Variants in SPAG16 observed in about 807,000 individuals in gnomAD.
SPAG16 encodes sperm associated antigen 16, also known as sperm-associated antigen 16 protein.
SPAG16 carries 86 observed loss-of-function variants against 80.4 expected under a neutral mutation model. The ratio of observed to expected loss-of-function variants is 1.07; its 90% CI spans 0.90 to 1.28. The LOEUF is 1.28. SPAG16 is among the 50% of genes most tolerant of loss of function. The pLI, the probability that SPAG16 is intolerant of heterozygous loss-of-function variation, is 0.00. For missense variants in SPAG16, 870 were observed against 765.3 expected, an observed-to-expected ratio of 1.14 and a Z score of -1.61; for synonymous variants, 294 against 265.9, an observed-to-expected ratio of 1.11 and a Z score of -1.03.
At chr2:213,435,088 G>T (rs900396717) in intron 9 of SPAG16, among the ~76,000 whole-genome samples, 5 of 152,040 alleles carry the variant, frequency 3.3e-5, no homozygotes, top group Non-Finnish European at 7.4e-5. Flanking sequence ...AATAAATAAA[G>T]AAAATAATGT....
At chr2:213,617,785 G>T (rs1574510041) in intron 10 of SPAG16, among the ~76,000 whole-genome samples, 1 of 152,202 alleles carries the variant, frequency 6.6e-6, no homozygotes, top group East Asian at 1.9e-4. Flanking sequence ...TGCACTCCAG[G>T]CAGGATGACA....
chr2:213,682,509 C>A (rs1011416384), intron 10 of SPAG16, among the ~76,000 whole-genome samples: 1 of 152,306 alleles, frequency 6.6e-6, no homozygotes, highest in African/African-American at 2.4e-5. Flanking sequence ...CTGAGAGGGG[C>A]ATCTGGCCAA....
intron 15 of SPAG16, among the ~76,000 whole-genome samples, chr2:214,293,864 C>T (rs894178188): frequency 1.3e-5 from 2 of 152,162 alleles, no homozygotes; most frequent in East Asian, 3.9e-4. Context: ...GGGCCTACAA[C>T]CAGGGAAGGT....
At chr2:213,911,390 C>G (rs1015365404) in intron 11 of SPAG16, among the ~76,000 whole-genome samples, 1 of 152,180 alleles carries the variant, frequency 6.6e-6, no homozygotes. Context: ...AGCAATCTCC[C>G]TGCCTTGGCC....
chr2:213,826,175 A>C lies in SPAG16; in HGVS notation c.1071-36310A>C, dbSNP rs913141836. ...TCACAGTCTGGTTTAAAGTTTGTTA[A>C]CTTCGTTTATCTTTCAAAAACCAAC... On this transcript the variant is annotated intron_variant, in intron 10 of 15. Transcript: ENST00000331683. Among the ~76,000 whole-genome samples, 19 of 151,496 alleles carry C rather than the reference A, an allele frequency of 1.3e-4. 1 individual carries two copies. Among genetic ancestry groups the C allele is most frequent in the African/African-American group, 4.4e-4 (18 of 41,346 alleles).
intron 9 of SPAG16, chr2:213,422,360 T>G (rs1395601915): frequency 2.9e-6 from 2 of 679,440 alleles, no homozygotes; most frequent in Non-Finnish European, 5.4e-6. Flanking sequence ...CCTGTGCCAG[T>G]GCCTGGAGCT....
In SPAG16 at chr2:213,382,445, G is replaced by A. The variant is rs554265119; in HGVS notation, c.942+7326G>A. 3.9e-5 allele frequency among the ~76,000 whole-genome samples: 6 copies of A among 152,310 alleles called. No homozygotes were observed. The South Asian group carries it at 1.0e-3, about 26-fold the overall frequency. ...CTTTTCTCCAGAAGTCTGGAGGTCA[G>A]TACTGTGGCCCTCTGTTGGGGCTTG... is the stretch of plus-strand genomic sequence containing the variant. On this transcript the variant is annotated intron_variant, in intron 9 of 15. Coordinates refer to ENST00000331683, the MANE Select transcript of SPAG16 (RefSeq NM_024532.5).
chr2:213,456,025 A>T (rs532174567), intron 9 of SPAG16, among the ~76,000 whole-genome samples: 17 of 152,270 alleles, frequency 1.1e-4, no homozygotes, highest in African/African-American at 4.1e-4. Flanking sequence ...CTAGAATTTG[A>T]GTGAAGTTGC....
In SPAG16 at chr2:213,443,118, A is replaced by G. The variant is rs185955632; in HGVS notation, c.943-46845A>G. Among the ~76,000 whole-genome samples, 364 of 152,312 alleles carry G rather than the reference A, an allele frequency of 2.4e-3. 1 individual carries two copies. The highest frequency in any genetic ancestry group is 4.3e-3 in the Non-Finnish European group (292 of 68,016). On this transcript the variant is annotated intron_variant, in intron 9 of 15. Coordinates refer to ENST00000331683, the MANE Select transcript of SPAG16 (RefSeq NM_024532.5). ...TGCATAGTAAAATGATTACTACAGT[A>G]AAGAATTTTAATCTGTCCAGCACCT... is the stretch of plus-strand genomic sequence containing the variant.
intron 9 of SPAG16, among the ~76,000 whole-genome samples, chr2:213,475,148 C>A (rs150568127): frequency 1.1e-3 from 167 of 152,306 alleles, no homozygotes; most frequent in African/African-American, 3.8e-3. Flanking sequence ...AGTAACATTA[C>A]ATCCTTCCAG....
intron 15 of SPAG16, chr2:214,238,567 T>G (rs1689234664): frequency 6.6e-6 from 1 of 151,588 alleles, no homozygotes; most frequent in African/African-American, 2.4e-5. Flanking sequence ...TAGTAATATA[T>G]GCTGAAGATA....
intron 9 of SPAG16, among the ~76,000 whole-genome samples, chr2:213,472,814 T>C (rs528077287): frequency 6.6e-6 from 1 of 152,322 alleles, no homozygotes; most frequent in African/African-American, 2.4e-5. Flanking sequence ...TAAGAATCAA[T>C]GTCAGCTCAG....
chr2:213,506,591 G>C (rs1224992869), intron 10 of SPAG16, among the ~76,000 whole-genome samples: 2 of 152,112 alleles, frequency 1.3e-5, no homozygotes, highest in East Asian at 3.9e-4. Context: ...TCAGCTCCTC[G>C]TGGACTGAGG....
intron 15 of SPAG16, among the ~76,000 whole-genome samples, chr2:214,188,350 T>C (rs2057545869): frequency 1.3e-5 from 2 of 152,160 alleles, no homozygotes; most frequent in South Asian, 4.1e-4. Flanking sequence ...ATAAAGCAAG[T>C]ACCATTTGCC....
At position 213,941,533 on chromosome 2, in the gene SPAG16, G is replaced by T. The variant is rs540786731; in HGVS notation, c.1400+11388G>T. ...ATTTCCCCTACCGCTGGATCTGCAG[G>T]TTTATTCACTAATGGGTTTCCAGTA... On this transcript the variant is annotated intron_variant, in intron 12 of 15. Coordinates refer to ENST00000331683, the MANE Select transcript of SPAG16 (RefSeq NM_024532.5). Among the ~76,000 whole-genome samples the T allele has an allele frequency of 9.9e-5, 15 of 152,204 alleles. No individual in the cohort carries two copies. In the East Asian group the frequency reaches 2.9e-3, roughly 29 times the overall value.
intron 13 of SPAG16, among the ~76,000 whole-genome samples, chr2:214,079,909 A>G (rs1376898942): frequency 1.3e-5 from 2 of 152,202 alleles, no homozygotes; most frequent in Non-Finnish European, 2.9e-5. Context: ...GTCTCTAAAT[A>G]GAAGCCAAAT....
chr2:213,492,357 T>A (rs146656794), intron 10 of SPAG16, among the ~76,000 whole-genome samples: 48 of 152,228 alleles, frequency 3.2e-4, no homozygotes, highest in Admixed American at 9.8e-4. Context: ...GAGACCATCC[T>A]GGCTAACACA....
At chr2:214,149,327 A>G in intron 15 of SPAG16, 61 bp downstream of exon 15, 1 of 1,352,290 alleles carries the variant, frequency 7.4e-7, no homozygotes, top group Non-Finnish European at 9.6e-7. Flanking sequence ...TTGTTCTGAA[A>G]CTATTTTGTT....
At chr2:213,959,033 T>A (rs72950772) in intron 12 of SPAG16, among the ~76,000 whole-genome samples, 20,701 of 152,206 alleles carry the variant, frequency 0.14, 1,906 homozygotes, top group Non-Finnish European at 0.2. Flanking sequence ...TATAAGAAAG[T>A]TCGTTGACGG....
Sources: allele counts gnomAD v4.1 joint callset (sites outside exome capture counted in the v4.1 genomes callset), GRCh38; gene constraint gnomAD v4.1.1; transcripts MANE v1.5; gene names NCBI Gene and HGNC (gene_info 2026-07-23, HGNC 2026-07-21).